The following KCNQ2 variants were observed in gnomAD, a reference collection of about 807,000 sequenced individuals.
KCNQ2 encodes the protein potassium voltage-gated channel subfamily Q member 2.
In KCNQ2, 14 loss-of-function variants were observed where a neutral mutation model predicts 84.8. The ratio of observed to expected loss-of-function variants is 0.17; its 90% CI spans 0.11 to 0.26. The LOEUF (loss-of-function observed/expected upper bound fraction) is 0.26, where lower values mean the gene tolerates loss of function less well. Ranked by LOEUF, KCNQ2 falls within the 10% of genes least tolerant of loss-of-function variation. The pLI, the probability that KCNQ2 is intolerant of heterozygous loss-of-function variation, is 1.00. For missense variants in KCNQ2, 788 were observed against 1,254.0 expected, an observed-to-expected ratio of 0.63 and a Z score of 5.61; for synonymous variants, 599 against 554.1, an observed-to-expected ratio of 1.08 and a Z score of -1.14.
At chr20:63,439,478 G>A in intron 6 of KCNQ2, 120 bp downstream of exon 6, 1 of 772,594 alleles carries the variant, frequency 1.3e-6, no homozygotes, top group Non-Finnish European at 2.3e-6. Flanking sequence ...CTGTGGACCT[G>A]CTGAGAGCTG....
chr20:63,440,598 C>T (rs957596510), intron 5 of KCNQ2, among the ~76,000 whole-genome samples: 20 of 152,196 alleles, frequency 1.3e-4, no homozygotes, highest in African/African-American at 4.1e-4. Context: ...ACAGAGGGAT[C>T]GAGGCCTGAG....
intron 15 of KCNQ2, chr20:63,411,860 G>A: frequency 1.4e-6 from 1 of 710,220 alleles, no homozygotes; most frequent in Non-Finnish European, 2.6e-6. Flanking sequence ...GAAGGGGGCG[G>A]GGGACCCACA....
chr20:63,448,900 T>A (rs1321220448), intron 1 of KCNQ2, among the ~76,000 whole-genome samples: 1 of 152,146 alleles, frequency 6.6e-6, no homozygotes, highest in East Asian at 1.9e-4. Flanking sequence ...TCACAGCACC[T>A]GTCTAGACCC....
intron 1 of KCNQ2, among the ~76,000 whole-genome samples, chr20:63,469,110 C>T (rs914468): frequency 0.02 from 3,056 of 152,196 alleles, 144 homozygotes; most frequent in South Asian, 0.19. Context: ...CAGTCCTATG[C>T]GCAGATGGGC....
chr20:63,417,703 C>T (rs958276039), intron 12 of KCNQ2, among the ~76,000 whole-genome samples: 2 of 152,232 alleles, frequency 1.3e-5, no homozygotes, highest in Non-Finnish European at 2.9e-5. Flanking sequence ...CAGGGAGTTG[C>T]AGGAAGGGAG....
intron 7 of KCNQ2, among the ~76,000 whole-genome samples, chr20:63,436,253 C>T (rs1015740551): frequency 5.9e-5 from 9 of 152,138 alleles, no homozygotes; most frequent in African/African-American, 2.2e-4. Context: ...TCACCACAGC[C>T]GGGCGCAGTG....
At position 63,413,548 on chromosome 20, in the gene KCNQ2, G is replaced by A. The variant is rs372800424; in HGVS notation, c.1665C>T (p.Phe555=). ...VMRFLVSKRK[F]KESLRPYDVM... Reference sequence around the variant, plus strand: ...CGTCGTAGGGCCGCAGGCTCTCCTTGAACTTCCGCTTGGACACCAGGAACC... The same window carrying A: ...CGTCGTAGGGCCGCAGGCTCTCCTTAAACTTCCGCTTGGACACCAGGAACC... Residue 555 remains phenylalanine, a synonymous_variant, in exon 15 of 17, where the codon TTC becomes TTT. Transcript: ENST00000359125. 8.1e-6 allele frequency: 13 copies of A among 1,613,000 alleles called. No individual in the cohort carries two copies. The highest frequency in any genetic ancestry group is 1.1e-5 in the Non-Finnish European group (13 of 1,179,846).
chr20:63,435,029 A>G (rs1278448325), intron 7 of KCNQ2, among the ~76,000 whole-genome samples: 1 of 152,174 alleles, frequency 6.6e-6, no homozygotes, highest in East Asian at 1.9e-4. Flanking sequence ...TTCCAGGGTG[A>G]CTGCATCGCT....
chr20:63,468,030 C>T (rs2082123035), intron 1 of KCNQ2, among the ~76,000 whole-genome samples: 1 of 152,204 alleles, frequency 6.6e-6, no homozygotes, highest in African/African-American at 2.4e-5. Flanking sequence ...AGATTGACTC[C>T]ACTGTGTAAC....
chr20:63,415,154 C>CAGACAGAG (rs755656840), intron 12 of KCNQ2, 28 bp from the exon 13 acceptor site: 2 of 1,575,270 alleles, frequency 1.3e-6, no homozygotes, highest in Non-Finnish European at 1.7e-6. Flanking sequence ...GACAGACAGA[C>CAGACAGAG]AGAAAAACAG....
chr20:63,418,564 C>A (rs2090872192), intron 12 of KCNQ2, among the ~76,000 whole-genome samples: 1 of 152,226 alleles, frequency 6.6e-6, no homozygotes, highest in African/African-American at 2.4e-5. Context: ...CACTTTCAAA[C>A]CCCTCTGGTC....
At chr20:63,435,929 C>G (rs1327851471) in intron 7 of KCNQ2, among the ~76,000 whole-genome samples, 4 of 151,948 alleles carry the variant, frequency 2.6e-5, no homozygotes, top group Non-Finnish European at 5.9e-5. Context: ...AGTGGTTCAT[C>G]TCTGGTTATA....
Position 63,404,844 on chromosome 20 carries a change from C to T in KCNQ2, c.*1800G>A, listed in dbSNP as rs1238430179. On this transcript the variant is annotated 3_prime_UTR_variant, in exon 17 of 17. Transcript: ENST00000359125. ...CCTGGACAGTGGCTTCCGAGGCCTC[C>T]CAGTTGGCACCTTTTTGGGACAGGC... The T allele has an allele frequency of 6.6e-6, 1 of 152,326 alleles. No homozygotes were observed. The highest frequency in any genetic ancestry group is 1.5e-5 in the Non-Finnish European group (1 of 68,096). 9.4% of individuals were successfully genotyped at this position (152,326 alleles called of 1,614,324 possible).
At chr20:63,470,347 C>T (rs1034704650) in intron 1 of KCNQ2, among the ~76,000 whole-genome samples, 1 of 152,210 alleles carries the variant, frequency 6.6e-6, no homozygotes, top group Non-Finnish European at 1.5e-5. Context: ...CCTGAAGCCC[C>T]CGCATGCTGC....
intron 7 of KCNQ2, among the ~76,000 whole-genome samples, chr20:63,436,314 G>A (rs549441803): frequency 4.6e-5 from 7 of 152,280 alleles, no homozygotes; most frequent in Non-Finnish European, 5.9e-5. Flanking sequence ...GGAGGATCAC[G>A]AAGTCAGGAG....
At chr20:63,429,411 C>T (rs6122446) in intron 9 of KCNQ2, among the ~76,000 whole-genome samples, 17,499 of 152,118 alleles carry the variant, frequency 0.12, 2,052 homozygotes, top group East Asian at 0.55. Context: ...ACGTCCTGGT[C>T]TCTCCTCTGC....
intron 1 of KCNQ2, among the ~76,000 whole-genome samples, chr20:63,465,928 G>C (rs1225566282): frequency 2.6e-5 from 4 of 152,204 alleles, no homozygotes; most frequent in African/African-American, 9.7e-5. Context: ...AGGCGTCCCG[G>C]CGGGTCCTCT....
In KCNQ2 at chr20:63,438,146, T is replaced by C. The variant is rs570326152; in HGVS notation, c.1023+479A>G. 4.6e-4 allele frequency: 90 copies of C among 195,434 alleles called. No homozygotes were observed. The highest frequency in any genetic ancestry group is 8.3e-4 in the Non-Finnish European group (77 of 93,272). 12.1% of individuals were successfully genotyped at this position (195,434 alleles called of 1,614,324 possible). ...ATTTTCAAGGTGGCTCAGGAATTAC[T>C]TGTGGATGCCACAGTGGTCACTGCA... On this transcript the variant is annotated intron_variant, in intron 7 of 16. Transcript: ENST00000359125. This position sits in a 1 kb window ranked among gnomAD's most constrained non-coding sequence, Gnocchi z 5.1.
Position 63,400,834 on chromosome 20 carries a change from G to A in KCNQ2, c.*5810C>T, listed in dbSNP as rs1568841689. ...CCCTCCTGCCCTGCGCGTGTCTCTG[G>A]AGCCCGTCCCTTGGGCCCCTCGCCC... On this transcript the variant is annotated 3_prime_UTR_variant, in exon 17 of 17. Coordinates refer to ENST00000359125, the MANE Select transcript of KCNQ2 (RefSeq NM_172107.4). This position sits in a 1 kb window ranked among gnomAD's most constrained non-coding sequence, Gnocchi z 8.7. 3 of 398,308 alleles carry A rather than the reference G, an allele frequency of 7.5e-6. No homozygotes were observed. Among genetic ancestry groups the A allele is most frequent in the African/African-American group, 2.1e-5 (1 of 48,616 alleles). 24.7% of individuals were successfully genotyped at this position (398,308 alleles called of 1,614,324 possible).
Sources: gnomAD v4.1 joint callset for allele counts (sites outside exome capture counted in the v4.1 genomes callset) on GRCh38, gnomAD v4.1.1 for gene constraint, Gnocchi (gnomAD v3.1) non-coding constraint, MANE v1.5 for transcripts, NCBI Gene and HGNC (gene_info 2026-07-23, HGNC 2026-07-21) for gene names.